IQGAP2: variants seen among roughly 807,000 people sequenced by gnomAD.
IQGAP2 encodes the protein IQ motif containing GTPase activating protein 2.
Under a neutral mutation model 201.3 loss-of-function variants are expected in IQGAP2, and 173 were observed. The observed-to-expected ratio is 0.86, with a 90% CI of 0.76 to 0.98. The LOEUF (loss-of-function observed/expected upper bound fraction) is 0.98. Ranked by LOEUF, IQGAP2 falls within the 50% of genes least tolerant of loss-of-function variation. IQGAP2 has a pLI of 0.00. For missense variants in IQGAP2, 1,687 were observed against 1,864.8 expected (o/e 0.90, Z 1.76); for synonymous variants, 675 against 673.9 (o/e 1.00, Z -0.03).
chr5:76,476,958 C>T (rs574379041), intron 2 of IQGAP2, among the ~76,000 whole-genome samples: 1 of 152,310 alleles, frequency 6.6e-6, no homozygotes, highest in African/African-American at 2.4e-5. Flanking sequence ...CTATATGCAA[C>T]AGCCTCTTAT....
At chr5:76,684,652 G>A (rs1198251544) in intron 30 of IQGAP2, among the ~76,000 whole-genome samples, 1 of 152,190 alleles carries the variant, frequency 6.6e-6, no homozygotes, top group African/African-American at 2.4e-5. Flanking sequence ...ATTGGGGTGA[G>A]ATGGAGACTG....
intron 2 of IQGAP2, among the ~76,000 whole-genome samples, chr5:76,483,258 A>G (rs1014066162): frequency 1.3e-5 from 2 of 152,192 alleles, no homozygotes; most frequent in African/African-American, 4.8e-5. Context: ...TAGAAGTGGA[A>G]TCTTCCTTCT....
At chr5:76,444,948 A>G (rs908606957) in intron 1 of IQGAP2, among the ~76,000 whole-genome samples, 1 of 152,248 alleles carries the variant, frequency 6.6e-6, no homozygotes, top group African/African-American at 2.4e-5. Context: ...GTTCTGTCTT[A>G]AAGAGAATTA....
chr5:76,634,048 T>G (rs1750924545), intron 15 of IQGAP2, among the ~76,000 whole-genome samples: 1 of 152,140 alleles, frequency 6.6e-6, no homozygotes, highest in Non-Finnish European at 1.5e-5. Flanking sequence ...AACTGATTTT[T>G]GTATATTGAT....
Position 76,487,426 on chromosome 5 carries a change from G to T in IQGAP2, c.146+25757G>T, listed in dbSNP as rs190238278. 2.0e-4 allele frequency among the ~76,000 whole-genome samples: 30 copies of T among 152,264 alleles called. 1 individual carries two copies. The East Asian group carries it at 4.2e-3, about 22-fold the overall frequency. ...TCCATATTGTCAGTTTGAATGGGGG[G>T]ATGTGGATGCGGATCTTACACTTAG... On this transcript the variant is annotated intron_variant, in intron 2 of 35. Coordinates refer to ENST00000274364, the MANE Select transcript of IQGAP2 (RefSeq NM_006633.5).
chr5:76,624,976 AG>A (rs1291082240), intron 13 of IQGAP2, among the ~76,000 whole-genome samples: 1 of 152,220 alleles, frequency 6.6e-6, no homozygotes, highest in Non-Finnish European at 1.5e-5. Flanking sequence ...TGGGAGGCTG[AG>A]GCAGGAGAAT....
Position 76,553,485 on chromosome 5 carries a change from A to T in IQGAP2, c.147-8911A>T, listed in dbSNP as rs184001962. The stretch of plus-strand genomic sequence containing the variant: ...TACAGACCAAGATTTATAGTTGGTG[A>T]TTTCCTGAGTAACAACTCAGATAGC... On this transcript the variant is annotated intron_variant, in intron 2 of 35. Transcript: ENST00000274364. 4.3e-3 allele frequency among the ~76,000 whole-genome samples: 659 copies of T among 152,312 alleles called. 4 individuals carry two copies. Among genetic ancestry groups the T allele is most frequent in the African/African-American group, 0.014 (597 of 41,562 alleles).
At chr5:76,504,440 G>C (rs1425293808) in intron 2 of IQGAP2, among the ~76,000 whole-genome samples, 3 of 152,190 alleles carry the variant, frequency 2.0e-5, no homozygotes, top group East Asian at 3.9e-4. Context: ...GTGTTACTCT[G>C]TATAACCAAC....
At chr5:76,459,798 G>A (rs146974326) in intron 1 of IQGAP2, among the ~76,000 whole-genome samples, 191 of 152,076 alleles carry the variant, frequency 1.3e-3, no homozygotes, top group African/African-American at 4.4e-3. Flanking sequence ...TTACCACCGC[G>A]CCTGGCTAAT....
At chr5:76,565,231 C>T (rs186884269) in intron 3 of IQGAP2, among the ~76,000 whole-genome samples, 12 of 152,260 alleles carry the variant, frequency 7.9e-5, no homozygotes, top group Admixed American at 2.0e-4. Flanking sequence ...CACGAGGGAA[C>T]GCTCAATAAC....
chr5:76,508,208 A>C (rs1757729678), intron 2 of IQGAP2, among the ~76,000 whole-genome samples: 3 of 149,944 alleles, frequency 2.0e-5, no homozygotes, highest in African/African-American at 7.4e-5. Flanking sequence ...GTGGCACATG[A>C]CTATAATCCC....
intron 7 of IQGAP2, 65 bp downstream of exon 7, chr5:76,589,793 T>C: frequency 1.3e-6 from 1 of 786,742 alleles, no homozygotes; most frequent in Non-Finnish European, 2.0e-6. Flanking sequence ...ACCTATTGAT[T>C]TTGATTACTC....
chr5:76,534,319 C>A (rs1759498380), intron 2 of IQGAP2, among the ~76,000 whole-genome samples: 1 of 152,180 alleles, frequency 6.6e-6, no homozygotes, highest in Non-Finnish European at 1.5e-5. Context: ...GATGACTTCT[C>A]AGTCTAGAAG....
chr5:76,645,165 C>A (rs1025507899), intron 17 of IQGAP2, among the ~76,000 whole-genome samples: 1 of 151,964 alleles, frequency 6.6e-6, no homozygotes, highest in East Asian at 1.9e-4. Context: ...CATGTCCCTG[C>A]AAAGGATGTG....
At chr5:76,470,174 C>T (rs1755026393) in intron 2 of IQGAP2, among the ~76,000 whole-genome samples, 1 of 152,138 alleles carries the variant, frequency 6.6e-6, no homozygotes, top group African/African-American at 2.4e-5. Flanking sequence ...ACTTGGGCCT[C>T]TTACACATGG....
intron 2 of IQGAP2, among the ~76,000 whole-genome samples, chr5:76,504,131 G>A (rs1218019479): frequency 1.3e-5 from 2 of 152,192 alleles, no homozygotes; most frequent in Non-Finnish European, 2.9e-5. Flanking sequence ...ACAAAGAGGA[G>A]CTTGCTTCCT....
At chr5:76,626,270 C>CTTTTTTTTTTTTTTTTTTTTTT (rs34251090) in intron 13 of IQGAP2, among the ~76,000 whole-genome samples, 67 of 83,654 alleles carry the variant, frequency 8.0e-4, no homozygotes, top group East Asian at 1.5e-3. Context: ...TTCTTCTTTT[C>CTTTTTTTTTTTTTTTTTTTTTT]TTTTTTTTTT....
intron 20 of IQGAP2, among the ~76,000 whole-genome samples, chr5:76,656,932 C>T (rs1171257429): frequency 6.6e-6 from 1 of 152,076 alleles, no homozygotes; most frequent in Non-Finnish European, 1.5e-5. Context: ...TTGTTATCAT[C>T]TGTTCTCCCC....
chr5:76,674,794 C>A, intron 27 of IQGAP2, 85 bp downstream of exon 27: 1 of 983,564 alleles, frequency 1.0e-6, no homozygotes, highest in South Asian at 1.5e-5. Context: ...CTAGAGTGGG[C>A]ATGGAGGACA....
Sources: gnomAD v4.1 joint callset for allele counts (sites outside exome capture counted in the v4.1 genomes callset) on GRCh38, gnomAD v4.1.1 for gene constraint, MANE v1.5 for transcripts, NCBI Gene and HGNC (gene_info 2026-07-23, HGNC 2026-07-21) for gene names.